MACROD2: variants seen among roughly 807,000 people sequenced by gnomAD.
MACROD2 encodes mono-ADP ribosylhydrolase 2.
MACROD2 carries 36 observed loss-of-function variants against 70.4 expected under a neutral mutation model. That is an observed-to-expected ratio of 0.51 (90% CI 0.39 to 0.68). The LOEUF (loss-of-function observed/expected upper bound fraction) is 0.68, where lower values mean the gene tolerates loss of function less well. Ranked by LOEUF, MACROD2 falls within the 30% of genes least tolerant of loss-of-function variation. The probability of loss-of-function intolerance (pLI) is 0.00; values close to 1 mark genes in which losing one functional copy is unlikely to be tolerated. For missense variants in MACROD2, 496 were observed against 538.4 expected (o/e 0.92, Z 0.78); for synonymous variants, 172 against 178.8 (o/e 0.96, Z 0.30).
At chr20:15,284,960 A>C (rs1005987219) in intron 6 of MACROD2, among the ~76,000 whole-genome samples, 1 of 152,314 alleles carries the variant, frequency 6.6e-6, no homozygotes, top group East Asian at 1.9e-4. Flanking sequence ...TTGATGAAAT[A>C]ATAATATAGT....
intron 6 of MACROD2, among the ~76,000 whole-genome samples, chr20:15,412,972 C>T (rs2046098320): frequency 6.6e-6 from 1 of 152,134 alleles, no homozygotes; most frequent in Admixed American, 6.5e-5. Flanking sequence ...AAAAATATGC[C>T]TTACCATAAG....
chr20:14,145,863 A>T (rs1279825239), intron 3 of MACROD2, among the ~76,000 whole-genome samples: 5 of 152,234 alleles, frequency 3.3e-5, no homozygotes, highest in Non-Finnish European at 5.9e-5. Flanking sequence ...TGAACAGTTA[A>T]TTAAAATCAA....
Position 15,122,188 on chromosome 20 carries a change from G to T in MACROD2, c.419-107752G>T, listed in dbSNP as rs117477483. Among the ~76,000 whole-genome samples, 237 of 152,210 alleles carry T rather than the reference G, an allele frequency of 1.6e-3. 5 individuals are homozygous for T. The East Asian group carries it at 0.038, about 25-fold the overall frequency. On this transcript the variant is annotated intron_variant, in intron 5 of 17. Transcript: ENST00000684519. ...TTCTTTCAATGTAATAAGCTTCTTTGTGACCCTGGCATTAAAATGTTTTGA... is the reference window on the plus strand; with the variant it reads ...TTCTTTCAATGTAATAAGCTTCTTTTTGACCCTGGCATTAAAATGTTTTGA...
intron 6 of MACROD2, among the ~76,000 whole-genome samples, chr20:15,328,778 A>T (rs1470448526): frequency 6.6e-6 from 1 of 152,132 alleles, no homozygotes; most frequent in African/African-American, 2.4e-5. Flanking sequence ...ACCCTTAAAG[A>T]TGTTCTTTTT....
At chr20:15,423,482 C>G (rs1416397058) in intron 6 of MACROD2, among the ~76,000 whole-genome samples, 1 of 152,128 alleles carries the variant, frequency 6.6e-6, no homozygotes, top group South Asian at 2.1e-4. Flanking sequence ...ATACCATAGT[C>G]TGAGTGGCTT....
chr20:15,193,497 A>G (rs2076585265), intron 5 of MACROD2, among the ~76,000 whole-genome samples: 1 of 151,998 alleles, frequency 6.6e-6, no homozygotes, highest in African/African-American at 2.4e-5. Context: ...AAAATAAAAA[A>G]CTTAGCCAAG....
chr20:13,996,996 G>A (rs887553643), intron 1 of MACROD2, among the ~76,000 whole-genome samples: 1 of 152,120 alleles, frequency 6.6e-6, no homozygotes, highest in Non-Finnish European at 1.5e-5. Flanking sequence ...GCAAAACAGT[G>A]GAGGTAAGAA....
chr20:15,166,000 G>A (rs2076380977), intron 5 of MACROD2, among the ~76,000 whole-genome samples: 1 of 152,092 alleles, frequency 6.6e-6, no homozygotes, highest in Non-Finnish European at 1.5e-5. Context: ...GATGCAAAAG[G>A]CTACATATTG....
intron 7 of MACROD2, among the ~76,000 whole-genome samples, chr20:15,492,415 G>A (rs1030074646): frequency 6.6e-6 from 1 of 152,114 alleles, no homozygotes; most frequent in South Asian, 2.1e-4. Flanking sequence ...GTGTTCAGGA[G>A]AAATTAAAAT....
At chr20:15,531,282 T>G (rs150531342) in intron 8 of MACROD2, among the ~76,000 whole-genome samples, 86 of 151,626 alleles carry the variant, frequency 5.7e-4, no homozygotes, top group African/African-American at 2.0e-3. Flanking sequence ...CATTTCTATA[T>G]AATTATTTTT....
At chr20:15,310,977 T>C (rs1421159233) in intron 6 of MACROD2, among the ~76,000 whole-genome samples, 1 of 152,206 alleles carries the variant, frequency 6.6e-6, no homozygotes, top group Non-Finnish European at 1.5e-5. Context: ...TGTTTCACTT[T>C]CCATATGTTT....
At position 14,119,159 on chromosome 20, in the gene MACROD2, A is replaced by ATTT. The variant is rs1181793101; in HGVS notation, c.271+33454_271+33456dup. On this transcript the variant is annotated intron_variant, in intron 3 of 17. Transcript: ENST00000684519. ...CACCGCGCCTGGCCAAATGACTGTG[A>ATTT]TTTTTTTTTTTTTTTTTTTTTTTTT... is the stretch of plus-strand genomic sequence containing the variant. Among the ~76,000 whole-genome samples, 374 of 56,732 alleles carry ATTT rather than the reference A, an allele frequency of 6.6e-3. 3 individuals carry two copies. Among genetic ancestry groups the ATTT allele is most frequent in the Non-Finnish European group, 9.0e-3 (306 of 34,116 alleles). 37.2% of individuals were successfully genotyped at this position (56,732 alleles called of 152,430 possible). A position where few individuals can be genotyped will look rare whatever the true frequency, so the allele number is the denominator to read the frequency against.
intron 4 of MACROD2, among the ~76,000 whole-genome samples, chr20:14,644,701 G>T (rs772457008): frequency 6.6e-6 from 1 of 152,134 alleles, no homozygotes. Flanking sequence ...GGTGCTGATC[G>T]TAGTGTACAT....
chr20:15,719,880 G>A (rs1028398), intron 8 of MACROD2, among the ~76,000 whole-genome samples: 145,629 of 152,196 alleles, frequency 0.96, 69,874 homozygotes, highest in Middle Eastern at 0.98. Context: ...ACTGTACAAT[G>A]GGACATCACT....
chr20:15,642,254 C>T lies in MACROD2; in HGVS notation c.645+142407C>T, dbSNP rs1000160964. On this transcript the variant is annotated intron_variant, in intron 8 of 17. Transcript: ENST00000684519. ...GTGGCAATAGTTCAGCATCTGTCCT[C>T]GGTTATTTCTGAAAGGATAGATAGT... Among the ~76,000 whole-genome samples, 5 of 152,110 alleles carry T rather than the reference C, an allele frequency of 3.3e-5. 1 individual carries two copies. The highest frequency in any genetic ancestry group is 2.1e-4 in the South Asian group (1 of 4,830).
At chr20:15,279,779 C>T (rs542183959) in intron 6 of MACROD2, among the ~76,000 whole-genome samples, 28 of 152,130 alleles carry the variant, frequency 1.8e-4, no homozygotes, top group South Asian at 1.2e-3. Context: ...AAGCATCTAC[C>T]GTATGCCAGA....
intron 10 of MACROD2, 114 bp downstream of exon 10, chr20:15,885,925 A>G: frequency 8.5e-7 from 1 of 1,170,072 alleles, no homozygotes; most frequent in Non-Finnish European, 1.2e-6. Flanking sequence ...ATAGAAATAT[A>G]TGCTCAGTGT....
At chr20:15,045,405 G>A (rs2075385309) in intron 5 of MACROD2, among the ~76,000 whole-genome samples, 1 of 152,174 alleles carries the variant, frequency 6.6e-6, no homozygotes, top group Non-Finnish European at 1.5e-5. Context: ...AGCAACACAG[G>A]GAGGTGAGTA....
At chr20:14,816,627 G>A (rs1427444066) in intron 5 of MACROD2, among the ~76,000 whole-genome samples, 1 of 151,912 alleles carries the variant, frequency 6.6e-6, no homozygotes, top group Non-Finnish European at 1.5e-5. Flanking sequence ...CATATAAACT[G>A]TATTTTTAAG....
Sources: allele counts gnomAD v4.1 joint callset (sites outside exome capture counted in the v4.1 genomes callset), GRCh38; gene constraint gnomAD v4.1.1; transcripts MANE v1.5; gene names NCBI Gene and HGNC (gene_info 2026-07-23, HGNC 2026-07-21).